Variants in TEAD4 observed in about 807,000 individuals in gnomAD.
TEAD4 encodes TEA domain transcription factor 4, also known as transcriptional enhancer factor TEF-3.
TEAD4 carries 36 observed loss-of-function variants against 52.4 expected under a neutral mutation model. The observed-to-expected ratio is 0.69, with a 90% CI of 0.53 to 0.91. The LOEUF is 0.91. Among genes scored for constraint, TEAD4 ranks in the 40% least tolerant of loss-of-function variants. TEAD4 has a pLI of 0.00. For missense variants in TEAD4, 508 were observed against 583.9 expected (o/e 0.87, Z 1.34); for synonymous variants, 220 against 231.0 (o/e 0.95, Z 0.43).
At chr12:3,011,251 A>T (rs1301318694) in intron 4 of TEAD4, among the ~76,000 whole-genome samples, 183 bp downstream of exon 4, 1 of 151,376 alleles carries the variant, frequency 6.6e-6, no homozygotes, top group African/African-American at 2.4e-5. Flanking sequence ...TTTTTCTGAG[A>T]CGGGGTTTCA....
At chr12:3,033,677 C>T (rs78109124) in intron 10 of TEAD4, among the ~76,000 whole-genome samples, 1 of 152,232 alleles carries the variant, frequency 6.6e-6, no homozygotes, top group Non-Finnish European at 1.5e-5. Flanking sequence ...CTGTCAGTCA[C>T]CCGATCCCCC....
intron 5 of TEAD4, among the ~76,000 whole-genome samples, chr12:3,015,038 A>G (rs970523243): frequency 2.6e-5 from 4 of 152,144 alleles, no homozygotes; most frequent in Admixed American, 6.5e-5. Flanking sequence ...TAGACTTACT[A>G]GTTAGCTCCC....
rs568043195 is a variant in TEAD4, at chr12:3,001,523, G to T, written c.226+6531G>T. 2.6e-5 allele frequency among the ~76,000 whole-genome samples: 4 copies of T among 152,326 alleles called. No homozygotes were observed. In the South Asian group the frequency reaches 8.3e-4, roughly 32 times the overall value. ...GCGGTGGCTCACGCCTGTAATCCCA[G>T]CACTTTGGGAGGCCGAGGCGGGTGA... is the stretch of plus-strand genomic sequence containing the variant. On this transcript the variant is annotated intron_variant, in intron 3 of 12. Transcript: ENST00000359864.
chr12:2,992,031 T>TTC, intron 2 of TEAD4, among the ~76,000 whole-genome samples: 1 of 147,836 alleles, frequency 6.8e-6, no homozygotes, highest in Non-Finnish European at 1.5e-5. Flanking sequence ...TTTTTTTTTT[T>TTC]TTTTTGAGGC....
chr12:2,962,346 A>ATATATATATATATATATT (rs1350931012), intron 2 of TEAD4, among the ~76,000 whole-genome samples: 1 of 128,062 alleles, frequency 7.8e-6, no homozygotes, highest in Non-Finnish European at 1.6e-5. Context: ...ATATATATAT[A>ATATATATATATATATATT]TTTTTTGAGA....
chr12:2,972,043 C>G (rs759906743), intron 2 of TEAD4, among the ~76,000 whole-genome samples: 3 of 149,930 alleles, frequency 2.0e-5, no homozygotes, highest in Non-Finnish European at 3.0e-5. Context: ...GAACTCCTGA[C>G]CTCAAGTGAT....
rs767903708 is a variant in TEAD4 at position 3,040,523 on chromosome 12, A to G, written c.*45A>G. On this transcript the variant is annotated 3_prime_UTR_variant, in exon 13 of 13. Transcript: ENST00000359864. ...GGGGGGAAGAGACGTGTGTGCAGGA[A>G]ACGGGGACGTGGGGAGGGGACCTGC... 1 of 1,573,940 alleles carries G rather than the reference A, an allele frequency of 6.4e-7. No homozygotes were observed. The highest frequency in any genetic ancestry group is 1.3e-5 in the African/African-American group (1 of 74,214).
chr12:2,967,497 T>A (rs1308485590), intron 2 of TEAD4, among the ~76,000 whole-genome samples: 1 of 152,232 alleles, frequency 6.6e-6, no homozygotes, highest in East Asian at 1.9e-4. Flanking sequence ...TTGAGCAATG[T>A]TGAACATATA....
chr12:3,008,945 A>G (rs1197529200), intron 3 of TEAD4, among the ~76,000 whole-genome samples: 2 of 152,100 alleles, frequency 1.3e-5, no homozygotes, highest in Non-Finnish European at 1.5e-5. Context: ...TTCTTCCCTC[A>G]TGCTTTTCCT....
chr12:3,003,689 G>C (rs1383171224), intron 3 of TEAD4, among the ~76,000 whole-genome samples: 1 of 152,154 alleles, frequency 6.6e-6, no homozygotes, highest in Non-Finnish European at 1.5e-5. Context: ...GGACACATGT[G>C]CTCTGACAGA....
At chr12:2,992,030 T>TTC (rs2098243485) in intron 2 of TEAD4, among the ~76,000 whole-genome samples, 1 of 147,742 alleles carries the variant, frequency 6.8e-6, no homozygotes, top group South Asian at 2.2e-4. Flanking sequence ...TTTTTTTTTT[T>TTC]TTTTTTGAGG....
intron 2 of TEAD4, among the ~76,000 whole-genome samples, chr12:2,983,068 C>T (rs2098235414): frequency 6.6e-6 from 1 of 152,136 alleles, no homozygotes; most frequent in African/African-American, 2.4e-5. Flanking sequence ...CTCCACCGCA[C>T]CCTCCACCTG....
chr12:3,010,135 C>T (rs532406939), intron 3 of TEAD4, among the ~76,000 whole-genome samples: 3 of 152,236 alleles, frequency 2.0e-5, no homozygotes, highest in Admixed American at 2.0e-4. Context: ...GGTGAAGGGC[C>T]ACCCAAGGGC....
At chr12:3,013,118 T>G in intron 5 of TEAD4, among the ~76,000 whole-genome samples, 1 of 151,950 alleles carries the variant, frequency 6.6e-6, no homozygotes, top group Non-Finnish European at 1.5e-5. Context: ...CACGGCCATT[T>G]TTTTCTATTT....
At chr12:2,966,533 C>G (rs966621683) in intron 2 of TEAD4, among the ~76,000 whole-genome samples, 3 of 151,380 alleles carry the variant, frequency 2.0e-5, no homozygotes, top group Admixed American at 2.0e-4. Context: ...GCCTCAGCCT[C>G]CCAAGTAGCT....
intron 2 of TEAD4, among the ~76,000 whole-genome samples, chr12:2,981,987 G>T (rs1407659301): frequency 6.6e-6 from 1 of 152,138 alleles, no homozygotes; most frequent in African/African-American, 2.4e-5. Flanking sequence ...AGTTGTGAGG[G>T]GCTTAGGGAT....
intron 8 of TEAD4, among the ~76,000 whole-genome samples, chr12:3,019,469 GC>G (rs2098267096): frequency 6.6e-6 from 1 of 152,222 alleles, no homozygotes; most frequent in South Asian, 2.1e-4. Context: ...CCTGGCGGCT[GC>G]CCCACTTGGC....
chr12:2,964,157 C>T (rs999919012), intron 2 of TEAD4, among the ~76,000 whole-genome samples: 1 of 152,184 alleles, frequency 6.6e-6, no homozygotes, highest in African/African-American at 2.4e-5. Flanking sequence ...AGCTCCGTGC[C>T]GGTTCTGTGC....
At chr12:2,978,875 G>C (rs1490053139) in intron 2 of TEAD4, among the ~76,000 whole-genome samples, 2 of 152,028 alleles carry the variant, frequency 1.3e-5, no homozygotes, top group Non-Finnish European at 2.9e-5. Context: ...ATGTCCTTAA[G>C]GTTCATCCAT....
Sources: allele counts gnomAD v4.1 joint callset (sites outside exome capture counted in the v4.1 genomes callset), GRCh38; gene constraint gnomAD v4.1.1; transcripts MANE v1.5; gene names NCBI Gene and HGNC (gene_info 2026-07-23, HGNC 2026-07-21).